The following NQO2 variants were observed in gnomAD, a reference collection of about 807,000 sequenced individuals.
NQO2 encodes the protein N-ribosyldihydronicotinamide:quinone dehydrogenase 2, also known as ribosyldihydronicotinamide dehydrogenase [quinone].
In NQO2, 18 loss-of-function variants were observed where a neutral mutation model predicts 22.0. The ratio of observed to expected loss-of-function variants is 0.82; its 90% confidence interval spans 0.56 to 1.21. The LOEUF is 1.21. Among genes scored for constraint, NQO2 ranks in the 50% most tolerant of loss-of-function variants. NQO2 has a pLI of 0.00. For missense variants in NQO2, 267 were observed against 286.9 expected (o/e 0.93, Z 0.50); for synonymous variants, 106 against 110.8 (o/e 0.96, Z 0.28).
intron 4 of NQO2, 49 bp from the exon 5 acceptor site, chr6:3,015,481 C>G (rs755419040): frequency 1.9e-6 from 3 of 1,598,680 alleles, no homozygotes; most frequent in Non-Finnish European, 2.6e-6. Context: ...AACTAGGAAA[C>G]CTGAGGCGAG....
chr6:3,008,429 A>T (rs1757022976), intron 2 of NQO2, among the ~76,000 whole-genome samples: 1 of 149,300 alleles, frequency 6.7e-6, no homozygotes, highest in Admixed American at 6.7e-5. Flanking sequence ...AAAAAAAAAG[A>T]AAAAGAAAAA....
At chr6:3,012,131 T>A (rs1331104852) in intron 3 of NQO2, among the ~76,000 whole-genome samples, 3 of 152,148 alleles carry the variant, frequency 2.0e-5, no homozygotes, top group Non-Finnish European at 4.4e-5. Context: ...AGATAAGCAA[T>A]ATAAAATATG....
rs1419602511 is a variant in NQO2 at position 3,019,528 on chromosome 6, G to A, written c.569G>A (p.Ser190Asn). ...CGFKVLAPQI[S>N]FAPEIASEEE... Reference sequence around the variant, plus strand: ...TTTAAAGTCCTTGCCCCTCAGATCAGCTTTGCTCCTGAAATTGCATCCGAA... The same window carrying A: ...TTTAAAGTCCTTGCCCCTCAGATCAACTTTGCTCCTGAAATTGCATCCGAA... The change falls in exon 7 of 7, where the codon AGC becomes AAC. Residue 190 changes from serine to asparagine, a missense_variant. By Grantham distance (46) the Ser-to-Asn change is conservative. Coordinates refer to ENST00000380455, the MANE Select transcript of NQO2 (RefSeq NM_000904.6). The A allele has an allele frequency of 2.5e-6, 4 of 1,614,160 alleles. No homozygotes were observed. In the African/African-American group the frequency reaches 4.0e-5, roughly 16 times the overall value.
At chr6:3,003,487 C>G (rs1483003925) in intron 1 of NQO2, 1 of 935,758 alleles carries the variant, frequency 1.1e-6, no homozygotes, top group Admixed American at 6.2e-5. Flanking sequence ...GCCCCTGCCC[C>G]TAGGCTAGGA....
At chr6:3,003,071 T>C (rs1381363084) in intron 1 of NQO2, among the ~76,000 whole-genome samples, 4 of 152,218 alleles carry the variant, frequency 2.6e-5, no homozygotes, top group African/African-American at 7.2e-5. Context: ...TGCATTGTGA[T>C]AGCCAAAGTT....
rs560928846 is a variant in NQO2 at position 3,009,315 on chromosome 6, G to A, written c.8-710G>A. On this transcript the variant is annotated intron_variant, in intron 2 of 6. Coordinates refer to ENST00000380455, the MANE Select transcript of NQO2 (RefSeq NM_000904.6). The stretch of plus-strand genomic sequence containing the variant: ...CTCTGTTCCGCCTGGCTCACCGGCA[G>A]TGAGAGTTTAAGGTTATCTCTCTTG... Among the ~76,000 whole-genome samples the A allele has an allele frequency of 4.6e-5, 7 of 152,370 alleles. No individual in the cohort carries two copies. The South Asian group carries it at 8.3e-4, about 18-fold the overall frequency.
chr6:3,010,204 A>C lies in NQO2; in HGVS notation c.172+15A>C. On this transcript the variant is annotated intron_variant, in intron 3 of 6. Transcript: ENST00000380455. Reference sequence around the variant, plus strand: ...AGATATCACTGGTGAGTCATGGGATAAATGCTCTATTTATAAAAACCATCT... The same window carrying C: ...AGATATCACTGGTGAGTCATGGGATCAATGCTCTATTTATAAAAACCATCT... 6.4e-7 allele frequency: 1 copy of C among 1,554,258 alleles called. No homozygotes were observed. The highest frequency in any genetic ancestry group is 1.2e-5 in the South Asian group (1 of 83,368).
intron 2 of NQO2, among the ~76,000 whole-genome samples, chr6:3,008,765 G>A (rs1757040977): frequency 6.6e-6 from 1 of 152,124 alleles, no homozygotes; most frequent in African/African-American, 2.4e-5. Context: ...TTAAAGCTGG[G>A]TGTCCAGGGG....
intron 1 of NQO2, chr6:3,004,301 A>G (rs1471022871): frequency 1.0e-6 from 1 of 983,046 alleles, no homozygotes; most frequent in Non-Finnish European, 1.2e-6. Context: ...TCAGTCACTA[A>G]AGATGCAGGT....
intron 1 of NQO2, among the ~76,000 whole-genome samples, chr6:3,000,988 G>A (rs903081960): frequency 1.3e-5 from 2 of 151,782 alleles, no homozygotes; most frequent in African/African-American, 2.4e-5. Context: ...GATTACAGGC[G>A]CCTGCCACCA....
At position 3,010,008 on chromosome 6, in the gene NQO2, T is replaced by C; in HGVS notation, c.8-17T>C. On this transcript the variant is annotated splice_polypyrimidine_tract_variant and intron_variant, in intron 2 of 6. Coordinates refer to ENST00000380455, the MANE Select transcript of NQO2 (RefSeq NM_000904.6). ...GAGGTTGTTCTTCAAGAGGAACTGT[T>C]TCTTATCCTGATTTAGGTAAGAAAG... The C allele has an allele frequency of 6.2e-7, 1 of 1,602,552 alleles. No individual in the cohort carries two copies. The highest frequency in any genetic ancestry group is 8.5e-7 in the Non-Finnish European group (1 of 1,173,706).
chr6:3,001,584 G>A (rs1756725371), intron 1 of NQO2, among the ~76,000 whole-genome samples: 1 of 152,134 alleles, frequency 6.6e-6, no homozygotes. Context: ...GCACAAAAGG[G>A]TATGCAGGCA....
Position 3,019,606 on chromosome 6 carries a change from G to A in NQO2, c.647G>A (p.Trp216Ter), listed in dbSNP as rs746515528. Residue 216 changes from tryptophan (W) to a stop codon, truncating the protein, a stop_gained, in exon 7 of 7, where the codon TGG (tryptophan) becomes TAG (stop). Coordinates refer to ENST00000380455, the MANE Select transcript of NQO2 (RefSeq NM_000904.6). LOFTEE classifies it high-confidence loss of function. ...TGGTCCCAGAGGCTGCAGACCATCT[G>A]GAAGGAAGAGCCCATCCCCTGCACA... Reference protein sequence around the residue: ...AAWSQRLQTIWKEEPIPCTAH... With the variant: ...AAWSQRLQTI 6.2e-6 allele frequency: 10 copies of A among 1,613,942 alleles called. No individual in the cohort carries two copies. In the East Asian group the frequency reaches 8.9e-5, roughly 14 times the overall value.
At chr6:3,004,566 C>G in intron 1 of NQO2, 2 of 985,404 alleles carry the variant, frequency 2.0e-6, no homozygotes, top group Non-Finnish European at 2.4e-6. Flanking sequence ...AGACCCCAGC[C>G]CTGTGCCTGT....
intron 5 of NQO2, among the ~76,000 whole-genome samples, chr6:3,016,301 G>GGCTACTGTAGTCCCAA (rs1757323548): frequency 4.6e-5 from 7 of 151,926 alleles, no homozygotes; most frequent in Admixed American, 3.9e-4. Flanking sequence ...CATGGTGGTA[G>GGCTACTGTAGTCCCAA]GCGCCTGTAG....
At chr6:3,004,653 T>G in intron 1 of NQO2, 1 of 985,422 alleles carries the variant, frequency 1.0e-6, no homozygotes, top group African/African-American at 1.7e-5. Context: ...CCAGTCCTGG[T>G]GGGGATAAGC....
chr6:3,012,666 A>G lies in NQO2; in HGVS notation c.295A>G (p.Ile99Val), dbSNP rs1757176389. The G allele has an allele frequency of 6.2e-7, 1 of 1,612,574 alleles. No homozygotes were observed. Among genetic ancestry groups the G allele is most frequent in the African/African-American group, 1.3e-5 (1 of 74,804 alleles). The change falls in exon 4 of 7, where the codon ATA (isoleucine) becomes GTA (valine). Residue 99 changes from isoleucine to valine, a missense_variant. Coordinates refer to ENST00000380455, the MANE Select transcript of NQO2 (RefSeq NM_000904.6). ...QKKVREADLVIFQFPLYWFSV... is the reference protein window; with the variant it reads ...QKKVREADLVVFQFPLYWFSV... ...AAAGGTTCGGGAGGCTGACCTAGTG[A>G]TATTTCAGGTTTGTTTTTCTCTAAT...
At position 3,012,538 on chromosome 6, in the gene NQO2, C is replaced by T. The variant is rs187384791; in HGVS notation, c.173-6C>T. On this transcript the variant is annotated splice_polypyrimidine_tract_variant and splice_region_variant and intron_variant, in intron 3 of 6. Transcript: ENST00000380455. ...GAGTGAGAATGTTTGGCCTCTTCCC[C>T]GACAGGTACTCTTTCTAATCCTGAG... 2.5e-5 allele frequency: 40 copies of T among 1,613,878 alleles called. No homozygotes were observed. The highest frequency in any genetic ancestry group is 3.3e-4 in the Middle Eastern group (2 of 6,060).
chr6:3,006,740 A>G lies in NQO2; in HGVS notation c.7+181A>G. The G allele has an allele frequency of 1.7e-6, 1 of 574,794 alleles. No homozygotes were observed. The highest frequency in any genetic ancestry group is 3.0e-6 in the Non-Finnish European group (1 of 332,170). 35.6% of individuals were successfully genotyped at this position (574,794 alleles called of 1,614,324 possible). A position where few individuals can be genotyped will look rare whatever the true frequency, so the allele number is the denominator to read the frequency against. On this transcript the variant is annotated intron_variant, in intron 2 of 6. Coordinates refer to ENST00000380455, the MANE Select transcript of NQO2 (RefSeq NM_000904.6). This position sits in a 1 kb window ranked among gnomAD's most constrained non-coding sequence, Gnocchi z 4.0. ...GTTGTAAAAAATCCAAGCCACGTGG[A>G]AGTGTATAAACTATCTGGAATTATC...
Sources: gnomAD v4.1 joint callset for allele counts (sites outside exome capture counted in the v4.1 genomes callset) on GRCh38, gnomAD v4.1.1 for gene constraint, Gnocchi (gnomAD v3.1) non-coding constraint, MANE v1.5 for transcripts, NCBI Gene and HGNC (gene_info 2026-07-23, HGNC 2026-07-21) for gene names.